Variants in MACF1 observed in about 807,000 individuals in gnomAD.
MACF1 encodes the protein microtubule-actin cross-linking factor 1.
In MACF1, 193 loss-of-function variants were observed where a neutral mutation model predicts 854.8. That is an observed-to-expected ratio of 0.23 (90% CI 0.20 to 0.25). The LOEUF (loss-of-function observed/expected upper bound fraction) is 0.25, where lower values mean the gene tolerates loss of function less well. Among genes scored for constraint, MACF1 ranks in the 10% least tolerant of loss-of-function variants. The pLI is 1.00. For missense variants in MACF1, 7,722 were observed against 8,929.1 expected, an observed-to-expected ratio of 0.86 and a Z score of 5.45; for synonymous variants, 3,185 against 3,226.7, an observed-to-expected ratio of 0.99 and a Z score of 0.44.
chr1:39,184,723 T>C (rs958160068), intron 2 of MACF1, among the ~76,000 whole-genome samples: 2 of 152,154 alleles, frequency 1.3e-5, no homozygotes, highest in Non-Finnish European at 2.9e-5. Context: ...AGAGTGCTCC[T>C]GGTCATCATC....
rs1297031444 is a variant in MACF1, at chr1:39,178,286, C to T, written c.221-52896C>T. On this transcript the variant is annotated intron_variant, in intron 2 of 93. Transcript: ENST00000361689. ...TACATGTGCCATGGTGGTTTTCATT[C>T]GTTTATGTACTGAACATAATCTTAG... Among the ~76,000 whole-genome samples the T allele has an allele frequency of 1.3e-4, 19 of 146,056 alleles. No homozygotes were observed. The East Asian group carries it at 3.0e-3, about 23-fold the overall frequency.
At chr1:39,239,187 A>G (rs1644893006) in intron 2 of MACF1, among the ~76,000 whole-genome samples, 1 of 152,216 alleles carries the variant, frequency 6.6e-6, no homozygotes, top group Non-Finnish European at 1.5e-5. Flanking sequence ...AGGCTGAGGC[A>G]GGAGAATCGC....
Position 39,433,042 on chromosome 1 carries a change from T to C in MACF1, c.17458-6T>C. The C allele has an allele frequency of 1.3e-6, 2 of 1,582,286 alleles. No homozygotes were observed. Among genetic ancestry groups the C allele is most frequent in the Non-Finnish European group, 1.7e-6 (2 of 1,154,694 alleles). ...TTACTTCTTAACTACAGTTTACTTTTCAAAGGCTTTCTCCATTGACATTAT... is the reference window on the plus strand; with the variant it reads ...TTACTTCTTAACTACAGTTTACTTTCCAAAGGCTTTCTCCATTGACATTAT... On this transcript the variant is annotated splice_polypyrimidine_tract_variant and splice_region_variant and intron_variant, in intron 67 of 100. Transcript: ENST00000564288.
chr1:39,387,511 A>T lies in MACF1; in HGVS notation c.14669A>T (p.Lys4890Ile). The T allele has an allele frequency of 6.2e-7, 1 of 1,614,184 alleles. No homozygotes were observed. Among genetic ancestry groups the T allele is most frequent in the Non-Finnish European group, 8.5e-7 (1 of 1,180,032 alleles). The change falls in exon 58 of 101, where the codon AAA becomes ATA. Residue 4890 changes from lysine (K) to isoleucine (I), a missense_variant. Physicochemically the swap from Lys to Ile is moderately radical, Grantham distance 102 (BLOSUM62 -3). Transcript: ENST00000564288. The part of the protein sequence containing the change: ...LKNHWEELSK[K>I]TADRQSRLKD... ...AACCATTGGGAAGAGCTTAGTAAAAAAACTGCAGACAGACAATCCAGGCTC... is the reference window on the plus strand; with the variant it reads ...AACCATTGGGAAGAGCTTAGTAAAATAACTGCAGACAGACAATCCAGGCTC...
intron 51 of MACF1, among the ~76,000 whole-genome samples, chr1:39,371,063 G>C (rs2148537276): frequency 6.6e-6 from 1 of 152,264 alleles, no homozygotes; most frequent in African/African-American, 2.4e-5. Context: ...CTCAACGCCT[G>C]TAATACCAGC....
At position 39,324,271 on chromosome 1, in the gene MACF1, A is replaced by T; in HGVS notation, c.4315A>T (p.Asn1439Tyr). ...LLGWVSTLAR[N>Y]TQGKATSSET... ...GGGCTGGGTGTCTACCCTAGCGAGGAATACACAAGGAAAAGCTACCTCATC... is the reference window on the plus strand; with the variant it reads ...GGGCTGGGTGTCTACCCTAGCGAGGTATACACAAGGAAAAGCTACCTCATC... The change falls in exon 34 of 101, where the codon AAT (asparagine) becomes TAT (tyrosine). Residue 1439 changes from asparagine to tyrosine, a missense_variant. Physicochemically the swap from Asn to Tyr is moderately radical, Grantham distance 143. Coordinates refer to ENST00000564288, the MANE Select transcript of MACF1 (RefSeq NM_001394062.1). 1.9e-6 allele frequency: 3 copies of T among 1,614,024 alleles called. No individual in the cohort carries two copies. Among genetic ancestry groups the T allele is most frequent in the Non-Finnish European group, 2.5e-6 (3 of 1,179,906 alleles).
chr1:39,249,802 A>T lies in MACF1; in HGVS notation c.172-212A>T, dbSNP rs1645020663. The T allele has an allele frequency of 9.2e-6, 4 of 436,760 alleles. 1 individual carries two copies. In the East Asian group the frequency reaches 1.6e-4, roughly 18 times the overall value. The allele number at this position is 436,760 out of a possible 1,614,324, so 27.1% of individuals were successfully genotyped here. A position where few individuals can be genotyped will look rare whatever the true frequency, so the allele number is the denominator to read the frequency against. ...GGTTAGAGTGTGTAATAGATCTGGC[A>T]TCAATTTAAAAAACACACACGTTTC... On this transcript the variant is annotated intron_variant, in intron 2 of 100. Coordinates refer to ENST00000564288, the MANE Select transcript of MACF1 (RefSeq NM_001394062.1).
chr1:39,337,713 C>T (rs867389581), intron 38 of MACF1, among the ~76,000 whole-genome samples: 1 of 151,600 alleles, frequency 6.6e-6, no homozygotes, highest in Non-Finnish European at 1.5e-5. Flanking sequence ...ACTATAGGCA[C>T]CTGCCGCCAC....
intron 2 of MACF1, among the ~76,000 whole-genome samples, chr1:39,150,606 C>A (rs569094960): frequency 4.5e-4 from 68 of 152,112 alleles, no homozygotes; most frequent in Non-Finnish European, 5.4e-4. Flanking sequence ...CTCCAAGATT[C>A]TTGAAGAATG....
intron 31 of MACF1, among the ~76,000 whole-genome samples, chr1:39,322,290 G>A (rs1281431607): frequency 6.6e-6 from 1 of 152,088 alleles, no homozygotes; most frequent in Non-Finnish European, 1.5e-5. Context: ...CATGAGAAAA[G>A]GTTGAAAAGA....
At chr1:39,456,548 A>G (rs1644443207) in intron 89 of MACF1, among the ~76,000 whole-genome samples, 1 of 152,206 alleles carries the variant, frequency 6.6e-6, no homozygotes, top group Non-Finnish European at 1.5e-5. Flanking sequence ...GTTTGCCAGG[A>G]TGTAACTTCA....
intron 80 of MACF1, 149 bp downstream of exon 80, chr1:39,444,984 T>A: frequency 1.6e-6 from 1 of 614,696 alleles, no homozygotes; most frequent in East Asian, 2.9e-5. Context: ...GTTGCATTGA[T>A]GGTATAAGTT....
rs746226365 is a variant in MACF1 at position 39,335,688 on chromosome 1, G to A, written c.9100G>A (p.Gly3034Arg). 31 of 1,613,396 alleles carry A rather than the reference G, an allele frequency of 1.9e-5. No homozygotes were observed. The highest frequency in any genetic ancestry group is 2.6e-5 in the Non-Finnish European group (31 of 1,179,886). Residue 3034 changes from glycine to arginine, a missense_variant, in exon 37 of 101, where the codon GGA becomes AGA. Physicochemically the swap from Gly to Arg is moderately radical, Grantham distance 125 (BLOSUM62 -2). Transcript: ENST00000564288. The part of the protein sequence containing the change: ...EKGKEADTEM[G>R]FSITFKIEES... The stretch of plus-strand genomic sequence containing the variant: ...AGGGAAAGAAGCTGATACAGAAATG[G>A]GATTTTCTATTACTTTTAAAATTGA...
intron 2 of MACF1, among the ~76,000 whole-genome samples, chr1:39,240,584 C>T (rs1013576499): frequency 2.0e-5 from 3 of 152,170 alleles, no homozygotes; most frequent in African/African-American, 4.8e-5. Context: ...CTGCAGCCTC[C>T]GCCACCCGGG....
In MACF1 at chr1:39,460,918, T is replaced by A; in HGVS notation, c.21523+124T>A. 9.0e-7 allele frequency: 1 copy of A among 1,106,212 alleles called. No individual in the cohort carries two copies. Among genetic ancestry groups the A allele is most frequent in the Admixed American group, 2.1e-5 (1 of 48,698 alleles). 68.5% of individuals were successfully genotyped at this position (1,106,212 alleles called of 1,614,324 possible). On this transcript the variant is annotated intron_variant, in intron 92 of 100. Transcript: ENST00000564288. The surrounding 1 kb of genome is among the most constrained non-coding windows in gnomAD (Gnocchi z 4.1). ...CAGGAGCTTGGCTCACACCTGTAAT[T>A]CCAGCACTTTGGGAGGCAGGTGGCA...
rs776522146 is a variant in MACF1 at position 39,442,883 on chromosome 1, A to G, written c.19274A>G (p.Glu6425Gly). 2.5e-6 allele frequency: 4 copies of G among 1,614,050 alleles called. No homozygotes were observed. The South Asian group carries it at 4.4e-5, about 18-fold the overall frequency. Residue 6425 changes from glutamate (E) to glycine (G), a missense_variant, in exon 78 of 101, where the codon GAG (glutamate) becomes GGG (glycine). Transcript: ENST00000564288. ...GTGTTACAGAAAACAGAGGAGAGGG[A>G]GCAGCAGCTTCAGTCAACTCTGCAG... is the stretch of plus-strand genomic sequence containing the variant. ...ESVLQKTEER[E>G]QQLQSTLQQA... is the part of the protein sequence containing the mutation.
At chr1:39,258,870 G>A (rs1156562901) in intron 6 of MACF1, among the ~76,000 whole-genome samples, 4 of 152,260 alleles carry the variant, frequency 2.6e-5, no homozygotes, top group South Asian at 2.1e-4. Flanking sequence ...AGGTGTCCCC[G>A]AATTCCTGAG....
rs578189431 is a variant in MACF1, at chr1:39,366,210, T to A, written c.12772-1938T>A. On this transcript the variant is annotated intron_variant, in intron 49 of 100. Transcript: ENST00000564288. Reference sequence around the variant, plus strand: ...GTTAGCATTTTTATGTGGGTCACACTAAATGTATTCATTCACGCAAACACA... The same window carrying A: ...GTTAGCATTTTTATGTGGGTCACACAAAATGTATTCATTCACGCAAACACA... 2.8e-4 allele frequency among the ~76,000 whole-genome samples: 42 copies of A among 152,356 alleles called. 1 individual carries two copies. The highest frequency in any genetic ancestry group is 9.9e-4 in the African/African-American group (41 of 41,586).
chr1:39,292,862 T>A lies in MACF1; in HGVS notation c.1992+19T>A. ...ATTGAAGGTGAGTTTCTGCCGATTC[T>A]CTTACATTCTGCTCATAGAGTCTGG... On this transcript the variant is annotated intron_variant, in intron 17 of 100. Transcript: ENST00000564288. 6.3e-7 allele frequency: 1 copy of A among 1,597,434 alleles called. No individual in the cohort carries two copies. Among genetic ancestry groups the A allele is most frequent in the Non-Finnish European group, 8.6e-7 (1 of 1,167,992 alleles).
Sources: allele counts gnomAD v4.1 joint callset (sites outside exome capture counted in the v4.1 genomes callset), GRCh38; gene constraint gnomAD v4.1.1; non-coding constraint Gnocchi (gnomAD v3.1); transcripts MANE v1.5; gene names NCBI Gene and HGNC (gene_info 2026-07-23, HGNC 2026-07-21).